The following CADPS2 variants were observed in gnomAD, a reference collection of about 807,000 sequenced individuals.
The protein encoded by CADPS2 is calcium dependent secretion activator 2, also known as calcium-dependent secretion activator 2.
In CADPS2, 93 loss-of-function variants were observed where a neutral mutation model predicts 172.5. The observed-to-expected ratio is 0.54, with a 90% CI of 0.46 to 0.64. The LOEUF (loss-of-function observed/expected upper bound fraction) is 0.64. CADPS2 is among the 30% of genes least tolerant of loss of function. The probability of loss-of-function intolerance (pLI) is 0.00; values close to 1 mark genes in which losing one functional copy is unlikely to be tolerated. For synonymous variants in CADPS2, 546 were observed against 555.2 expected (o/e 0.98, Z 0.23); for missense variants, 1,420 against 1,565.9 (o/e 0.91, Z 1.57).
intron 3 of CADPS2, among the ~76,000 whole-genome samples, chr7:122,631,866 C>A (rs2076612177): frequency 6.6e-6 from 1 of 152,008 alleles, no homozygotes; most frequent in Non-Finnish European, 1.5e-5. Context: ...CAATCATTCC[C>A]CAGTGTACTA....
intron 1 of CADPS2, among the ~76,000 whole-genome samples, chr7:122,774,917 C>T (rs912597669): frequency 1.3e-5 from 2 of 152,172 alleles, no homozygotes; most frequent in Non-Finnish European, 2.9e-5. Context: ...TATATAACCA[C>T]TCAAGCTTTT....
At chr7:122,783,109 G>A (rs199770360) in intron 1 of CADPS2, among the ~76,000 whole-genome samples, 10 of 151,416 alleles carry the variant, frequency 6.6e-5, no homozygotes, top group Non-Finnish European at 1.3e-4. Context: ...CCAGCTACTC[G>A]GGAGGCTGAG....
At chr7:122,447,175 T>C (rs1182824862) in intron 15 of CADPS2, among the ~76,000 whole-genome samples, 1 of 152,012 alleles carries the variant, frequency 6.6e-6, no homozygotes, top group Non-Finnish European at 1.5e-5. Flanking sequence ...GTTATGAGAA[T>C]GTTCTAGACA....
At chr7:122,482,069 T>C (rs887440294) in intron 11 of CADPS2, among the ~76,000 whole-genome samples, 13 of 152,160 alleles carry the variant, frequency 8.5e-5, no homozygotes, top group Admixed American at 8.5e-4. Context: ...TAAAGTTCTA[T>C]GCTAGTGGTT....
rs186436927 is a variant in CADPS2 at position 122,398,497 on chromosome 7, A to C, written c.2747-4915T>G. 9.8e-5 allele frequency among the ~76,000 whole-genome samples: 15 copies of C among 152,308 alleles called. 1 individual carries two copies. The highest frequency in any genetic ancestry group is 1.9e-4 in the African/African-American group (8 of 41,568). ...ATTAGCAGCAAAACAAACAGACAAT[A>C]CAAATCACAATAAAATCAACAGACT... On this transcript the variant is annotated intron_variant, in intron 20 of 29. Coordinates refer to ENST00000449022, the MANE Select transcript of CADPS2 (RefSeq NM_017954.11).
chr7:122,819,021 G>C (rs1193932517), intron 1 of CADPS2, among the ~76,000 whole-genome samples: 1 of 152,066 alleles, frequency 6.6e-6, no homozygotes, highest in Non-Finnish European at 1.5e-5. Context: ...CCCCACAACA[G>C]GATTTAATTA....
intron 1 of CADPS2, among the ~76,000 whole-genome samples, chr7:122,832,337 A>T (rs1023108779): frequency 4.0e-5 from 6 of 151,860 alleles, no homozygotes; most frequent in Non-Finnish European, 7.4e-5. Flanking sequence ...GTGTGCACAC[A>T]CACAATAGTA....
intron 3 of CADPS2, among the ~76,000 whole-genome samples, chr7:122,657,283 G>T (rs1341566277): frequency 6.6e-6 from 1 of 152,138 alleles, no homozygotes; most frequent in Non-Finnish European, 1.5e-5. Context: ...GATTGTCTTG[G>T]CAATGCAGGC....
intron 27 of CADPS2, among the ~76,000 whole-genome samples, chr7:122,357,858 G>A (rs1242452045): frequency 6.6e-6 from 1 of 152,082 alleles, no homozygotes; most frequent in Non-Finnish European, 1.5e-5. Context: ...ACGTACCAAT[G>A]GTTATTTATA....
At chr7:122,554,316 A>G (rs1362052429) in intron 8 of CADPS2, among the ~76,000 whole-genome samples, 1 of 152,138 alleles carries the variant, frequency 6.6e-6, no homozygotes, top group Admixed American at 6.6e-5. Flanking sequence ...AACACAATCA[A>G]GTTCCAATAT....
chr7:122,526,108 G>A (rs551336294), intron 8 of CADPS2, among the ~76,000 whole-genome samples: 3 of 152,078 alleles, frequency 2.0e-5, no homozygotes, highest in Non-Finnish European at 2.9e-5. Context: ...AATTCTTGAC[G>A]TGTTAGTTGG....
chr7:122,696,103 C>T (rs2085049396), intron 2 of CADPS2, among the ~76,000 whole-genome samples: 1 of 152,134 alleles, frequency 6.6e-6, no homozygotes, highest in African/African-American at 2.4e-5. Flanking sequence ...CACCCCCATC[C>T]GCTGCTATCC....
chr7:122,320,288 G>A lies in CADPS2; in HGVS notation c.3768C>T (p.Asn1256=). Residue 1256 remains asparagine, a synonymous_variant, in exon 30 of 30, where the codon AAC becomes AAT. Coordinates refer to ENST00000449022, the MANE Select transcript of CADPS2 (RefSeq NM_017954.11). The part of the protein sequence containing the change: ...RLQGVLEGTL[N]SKTYDTVHRR... The stretch of plus-strand genomic sequence containing the variant: ...TGTGCACAGTATCATAAGTCTTACT[G>A]TTCAGTGTTCCTTCCAACACACCCT... 6.2e-7 allele frequency: 1 copy of A among 1,610,868 alleles called. No homozygotes were observed. The highest frequency in any genetic ancestry group is 8.5e-7 in the Non-Finnish European group (1 of 1,178,436).
chr7:122,397,930 A>G (rs2045382274), intron 20 of CADPS2, among the ~76,000 whole-genome samples: 1 of 152,164 alleles, frequency 6.6e-6, no homozygotes, highest in Non-Finnish European at 1.5e-5. Flanking sequence ...GCCAGCACCT[A>G]TTTTTCAGAT....
chr7:122,395,273 T>C (rs2044921395), intron 20 of CADPS2, among the ~76,000 whole-genome samples: 1 of 152,240 alleles, frequency 6.6e-6, no homozygotes, highest in African/African-American at 2.4e-5. Context: ...GAAGTAATTC[T>C]AAACACAGAA....
chr7:122,409,749 A>AC, intron 19 of CADPS2: 1 of 405,282 alleles, frequency 2.5e-6, no homozygotes, highest in Non-Finnish European at 5.3e-6. Context: ...TTGCCATCCC[A>AC]CCCTGGGTTG....
At chr7:122,659,580 T>C (rs1467634285) in intron 3 of CADPS2, among the ~76,000 whole-genome samples, 1 of 151,978 alleles carries the variant, frequency 6.6e-6, no homozygotes, top group African/African-American at 2.4e-5. Flanking sequence ...GAAGGAATAT[T>C]TGAAGTAATA....
intron 25 of CADPS2, among the ~76,000 whole-genome samples, chr7:122,369,127 T>TCCCC (rs68130351): frequency 1.2e-4 from 6 of 49,762 alleles, no homozygotes; most frequent in Admixed American, 2.8e-4. Flanking sequence ...AATTTTTGTT[T>TCCCC]CCCCCCCCCC....
chr7:122,733,140 A>G (rs2091845779), intron 2 of CADPS2, among the ~76,000 whole-genome samples: 1 of 151,760 alleles, frequency 6.6e-6, no homozygotes, highest in Admixed American at 6.6e-5. Context: ...AAAGAACATG[A>G]AAGGCCAACC....
Sources: allele counts gnomAD v4.1 joint callset (sites outside exome capture counted in the v4.1 genomes callset), GRCh38; gene constraint gnomAD v4.1.1; transcripts MANE v1.5; gene names NCBI Gene and HGNC (gene_info 2026-07-23, HGNC 2026-07-21).